Variants in LANCL3 observed in about 807,000 individuals in gnomAD.
The protein encoded by LANCL3 is lanC-like protein 3.
LANCL3 carries 19 observed loss-of-function variants against 26.5 expected under a neutral mutation model. The observed-to-expected ratio is 0.72, with a 90% CI of 0.50 to 1.05. LANCL3 has a LOEUF of 1.05. Among genes scored for constraint, LANCL3 ranks in the 50% least tolerant of loss-of-function variants. The pLI, the probability that LANCL3 is intolerant of heterozygous loss-of-function variation, is 0.00. For synonymous variants in LANCL3, 160 were observed against 166.6 expected (o/e 0.96, Z 0.30); for missense variants, 318 against 362.7 (o/e 0.88, Z 1.00).
At chrX:37,573,874 C>T (rs1923670043) in intron 1 of LANCL3, among the ~76,000 whole-genome samples, 1 of 108,213 alleles carries the variant, frequency 9.2e-6, no homozygotes, top group South Asian at 4.1e-4. Flanking sequence ...GGAAGCAGAC[C>T]AGAAGGACTC....
intron 1 of LANCL3, among the ~76,000 whole-genome samples, chrX:37,572,721 G>A (rs782415049): frequency 5.6e-4 from 63 of 112,382 alleles, no homozygotes; most frequent in Non-Finnish European, 1.1e-3. Context: ...AGCTTTCTGG[G>A]GGATGACAGT....
chrX:37,603,685 C>G (rs1011348309), intron 1 of LANCL3, among the ~76,000 whole-genome samples: 1 of 112,141 alleles, frequency 8.9e-6, no homozygotes, highest in Non-Finnish European at 1.9e-5. Context: ...TGAGAGACTA[C>G]TTGGTGTGAC....
intron 1 of LANCL3, among the ~76,000 whole-genome samples, chrX:37,609,753 AC>A (rs1183731524): frequency 9.0e-6 from 1 of 111,706 alleles, no homozygotes; most frequent in African/African-American, 3.3e-5. Flanking sequence ...ATAAATATTT[AC>A]AGTCACATGA....
At chrX:37,574,127 A>G (rs58273670) in intron 1 of LANCL3, among the ~76,000 whole-genome samples, 1 of 107,424 alleles carries the variant, frequency 9.3e-6, no homozygotes, top group South Asian at 4.2e-4. Flanking sequence ...TGAGCAAACC[A>G]GTTAGTTCCA....
At position 37,622,274 on chromosome X, in the gene LANCL3, T is replaced by C. The variant is rs782631720; in HGVS notation, c.574-33414T>C. 1.8e-4 allele frequency among the ~76,000 whole-genome samples: 20 copies of C among 111,700 alleles called. No homozygotes were observed. In the South Asian group the frequency reaches 7.6e-3, roughly 42 times the overall value. On this transcript the variant is annotated intron_variant, in intron 1 of 4. Transcript: ENST00000378619. Reference sequence around the variant, plus strand: ...TACAACCCACCGCCTATATATCTTGTGCAAGTCATTTTCTTTCTTTGGAAT... The same window carrying C: ...TACAACCCACCGCCTATATATCTTGCGCAAGTCATTTTCTTTCTTTGGAAT...
chrX:37,661,515 C>T (rs1022301579), intron 3 of LANCL3, among the ~76,000 whole-genome samples: 2 of 109,810 alleles, frequency 1.8e-5, no homozygotes, highest in African/African-American at 6.6e-5. Context: ...CTAAGTGGGG[C>T]CCATTATTTT....
rs1384910651 is a variant in LANCL3 at position 37,681,975 on chromosome X, A to G, written c.*6162A>G. The stretch of plus-strand genomic sequence containing the variant: ...TCTTATTCTTTCAGAAACGGTGAAC[A>G]CTCTAAAAAGATGTGGGGGTGTGGT... On this transcript the variant is annotated 3_prime_UTR_variant, in exon 5 of 5. Transcript: ENST00000378619. The G allele has an allele frequency of 8.9e-6, 1 of 112,130 alleles. No homozygotes were observed. The highest frequency in any genetic ancestry group is 1.9e-5 in the Non-Finnish European group (1 of 53,335). The allele number at this position is 112,130 out of a possible 1,213,427, so 9.2% of individuals were successfully genotyped here. A position where few individuals can be genotyped will look rare whatever the true frequency, so the allele number is the denominator to read the frequency against.
At chrX:37,581,552 C>CT (rs1202881581) in intron 1 of LANCL3, among the ~76,000 whole-genome samples, 1 of 111,797 alleles carries the variant, frequency 8.9e-6, no homozygotes, top group Admixed American at 9.5e-5. Flanking sequence ...GATACCAAGC[C>CT]TATTTTAGAG....
At position 37,572,495 on chromosome X, in the gene LANCL3, T is replaced by C. The variant is rs782705727; in HGVS notation, c.573+52T>C. 68 of 1,057,372 alleles carry C rather than the reference T, an allele frequency of 6.4e-5. 1 individual carries two copies. The highest frequency in any genetic ancestry group is 4.9e-4 in the Middle Eastern group (2 of 4,078). The allele number at this position is 1,057,372 out of a possible 1,213,427, so 87.1% of individuals were successfully genotyped here. A position where few individuals can be genotyped will look rare whatever the true frequency, so the allele number is the denominator to read the frequency against. ...GGCGCTCGCCGCCTGCCCGGCCTCC[T>C]TTCCCCGGACTCCGTGGCTCGGGCA... On this transcript the variant is annotated intron_variant, in intron 1 of 4. Transcript: ENST00000378619.
intron 4 of LANCL3, among the ~76,000 whole-genome samples, chrX:37,667,818 A>G (rs877091): frequency 0.32 from 35,364 of 110,467 alleles, 6,212 homozygotes; most frequent in African/African-American, 0.69. Context: ...CTTTTGGTGA[A>G]AGCTTCAGGA....
intron 2 of LANCL3, among the ~76,000 whole-genome samples, chrX:37,656,553 C>T (rs189824988): frequency 3.9e-4 from 44 of 112,372 alleles, no homozygotes; most frequent in African/African-American, 1.3e-3. Flanking sequence ...AAAAATGTTC[C>T]GTGCTTTTGG....
In LANCL3 at chrX:37,675,765, G is replaced by C; in HGVS notation, c.1215G>C (p.Leu405=). 8.6e-7 allele frequency: 1 copy of C among 1,160,800 alleles called. No individual in the cohort carries two copies. ...FSGTVCFLID[L]LQPNQAEFPL... is the part of the protein sequence containing the mutation. ...GGACAGTGTGCTTTCTGATTGACCT[G>C]CTGCAGCCCAATCAGGCTGAATTCC... is the stretch of plus-strand genomic sequence containing the variant. The change falls in exon 5 of 5, where the codon CTG becomes CTC. Residue 405 remains leucine (L), a synonymous_variant. Transcript: ENST00000378619.
At chrX:37,579,832 T>C (rs1160585970) in intron 1 of LANCL3, among the ~76,000 whole-genome samples, 2 of 111,742 alleles carry the variant, frequency 1.8e-5, no homozygotes, top group Non-Finnish European at 1.9e-5. Flanking sequence ...TATTTTTTAT[T>C]TGATAGAGGA....
chrX:37,657,048 C>T (rs782176734), intron 2 of LANCL3, among the ~76,000 whole-genome samples: 39 of 112,575 alleles, frequency 3.5e-4, no homozygotes, highest in African/African-American at 1.2e-3. Context: ...GCTCAGTTCC[C>T]CTAGGGAATC....
intron 1 of LANCL3, among the ~76,000 whole-genome samples, chrX:37,635,454 T>G (rs1925680061): frequency 9.0e-6 from 1 of 111,596 alleles, no homozygotes; most frequent in South Asian, 3.7e-4. Flanking sequence ...AATTAACATG[T>G]TCTCCCCCCA....
At chrX:37,661,575 G>T (rs782001601) in intron 3 of LANCL3, among the ~76,000 whole-genome samples, 27 of 111,424 alleles carry the variant, frequency 2.4e-4, no homozygotes, top group African/African-American at 8.8e-4. Flanking sequence ...TTGAAGAGAT[G>T]CTCTAAAAAC....
At chrX:37,637,001 G>T (rs184709966) in intron 1 of LANCL3, among the ~76,000 whole-genome samples, 3 of 112,131 alleles carry the variant, frequency 2.7e-5, no homozygotes, top group Non-Finnish European at 5.6e-5. Context: ...AAAGGCCTTT[G>T]TGTAGTGATT....
At chrX:37,576,758 G>C (rs1410588359) in intron 1 of LANCL3, among the ~76,000 whole-genome samples, 1 of 112,004 alleles carries the variant, frequency 8.9e-6, no homozygotes, top group Non-Finnish European at 1.9e-5. Context: ...CTGAGGACAG[G>C]TGGCAAAGGG....
chrX:37,593,635 A>C (rs1329089978), intron 1 of LANCL3, among the ~76,000 whole-genome samples: 5 of 112,373 alleles, frequency 4.4e-5, no homozygotes, highest in African/African-American at 1.3e-4. Flanking sequence ...TAAAACAATG[A>C]ACATGTATTT....
Sources: allele counts gnomAD v4.1 joint callset (sites outside exome capture counted in the v4.1 genomes callset), GRCh38; gene constraint gnomAD v4.1.1; transcripts MANE v1.5; gene names NCBI Gene and HGNC (gene_info 2026-07-23, HGNC 2026-07-21).